Variants in CACNA2D3 observed in about 807,000 individuals in gnomAD.
CACNA2D3 encodes voltage-dependent calcium channel subunit alpha-2/delta-3.
A neutral mutation model predicts 160.6 loss-of-function variants in CACNA2D3; 60 were observed. The observed-to-expected ratio is 0.37, with a 90% CI of 0.30 to 0.46. The LOEUF (loss-of-function observed/expected upper bound fraction) is 0.46. Among genes scored for constraint, CACNA2D3 ranks in the 20% least tolerant of loss-of-function variants. The pLI, the probability that CACNA2D3 is intolerant of heterozygous loss-of-function variation, is 1.00. For synonymous variants in CACNA2D3, 558 were observed against 492.9 expected (o/e 1.13, Z -1.75); for missense variants, 1,205 against 1,365.0 (o/e 0.88, Z 1.85).
intron 5 of CACNA2D3, among the ~76,000 whole-genome samples, chr3:54,545,572 C>A (rs1702048190): frequency 6.6e-6 from 1 of 152,158 alleles, no homozygotes; most frequent in Non-Finnish European, 1.5e-5. Context: ...CTGTGTCTTG[C>A]ATTAAACTTT....
intron 5 of CACNA2D3, among the ~76,000 whole-genome samples, chr3:54,509,855 T>C (rs901111604): frequency 1.3e-5 from 2 of 152,250 alleles, no homozygotes; most frequent in African/African-American, 4.8e-5. Context: ...GTTGAGTGGC[T>C]GAGTTCAAGT....
intron 24 of CACNA2D3, among the ~76,000 whole-genome samples, 175 bp from the exon 25 acceptor site, chr3:54,891,180 C>CGTGTGTGTGTGTGTGT (rs3836392): frequency 1.3e-4 from 19 of 141,994 alleles, no homozygotes; most frequent in African/African-American, 3.4e-4. Flanking sequence ...AATCTGTGCT[C>CGTGTGTGTGTGTGTGT]GTGTGTGTGT....
At chr3:55,035,578 G>T (rs760912942) in intron 35 of CACNA2D3, among the ~76,000 whole-genome samples, 1 of 152,148 alleles carries the variant, frequency 6.6e-6, no homozygotes, top group Non-Finnish European at 1.5e-5. Context: ...TCTCTCAAAT[G>T]AATTATGCTA....
At chr3:54,802,902 G>A (rs940666677) in intron 13 of CACNA2D3, among the ~76,000 whole-genome samples, 1 of 152,158 alleles carries the variant, frequency 6.6e-6, no homozygotes. Context: ...CGCGATTCAC[G>A]AAAGTCCGCT....
chr3:54,242,488 G>GAACAATTATAACAATAT (rs1345996875), intron 2 of CACNA2D3, among the ~76,000 whole-genome samples: 1 of 151,930 alleles, frequency 6.6e-6, no homozygotes, highest in African/African-American at 2.4e-5. Context: ...GAATAAAATA[G>GAACAATTATAACAATAT]AACAATTATA....
At chr3:54,445,136 G>A (rs1197345734) in intron 4 of CACNA2D3, among the ~76,000 whole-genome samples, 1 of 152,176 alleles carries the variant, frequency 6.6e-6, no homozygotes, top group Non-Finnish European at 1.5e-5. Context: ...TATGAGCCTC[G>A]GCTCAGGGAT....
intron 17 of CACNA2D3, among the ~76,000 whole-genome samples, chr3:54,851,086 G>A (rs980424521): frequency 5.9e-5 from 9 of 152,146 alleles, no homozygotes; most frequent in Admixed American, 2.0e-4. Flanking sequence ...GAGAAGATGC[G>A]CTTTTTATTT....
chr3:54,829,974 A>G (rs1478999486), intron 14 of CACNA2D3, among the ~76,000 whole-genome samples: 1 of 128,706 alleles, frequency 7.8e-6, no homozygotes, highest in Non-Finnish European at 1.5e-5. Context: ...AGGTCACTGC[A>G]ACCTCTGCCT....
chr3:54,438,952 C>T (rs745547094), intron 4 of CACNA2D3, among the ~76,000 whole-genome samples: 1 of 152,174 alleles, frequency 6.6e-6, no homozygotes, highest in Non-Finnish European at 1.5e-5. Flanking sequence ...TTTTGTACCT[C>T]CTATAACTCT....
chr3:54,316,598 A>G (rs1472826907), intron 2 of CACNA2D3, among the ~76,000 whole-genome samples: 1 of 152,204 alleles, frequency 6.6e-6, no homozygotes. Flanking sequence ...GAATGGAACC[A>G]TTAAACTGCT....
intron 4 of CACNA2D3, among the ~76,000 whole-genome samples, chr3:54,459,044 T>C (rs1455039222): frequency 6.6e-6 from 1 of 152,130 alleles, no homozygotes; most frequent in African/African-American, 2.4e-5. Context: ...GTCCTTGCGA[T>C]AGTTTACTGA....
At chr3:54,668,260 C>T (rs1389629149) in intron 11 of CACNA2D3, among the ~76,000 whole-genome samples, 1 of 152,118 alleles carries the variant, frequency 6.6e-6, no homozygotes, top group Non-Finnish European at 1.5e-5. Flanking sequence ...TCTCTTTTCT[C>T]CACCCTGAGT....
intron 2 of CACNA2D3, among the ~76,000 whole-genome samples, chr3:54,277,487 A>G (rs1468610850): frequency 6.6e-6 from 1 of 152,092 alleles, no homozygotes; most frequent in East Asian, 1.9e-4. Context: ...ATTGGTCTAT[A>G]TATCTGTTTT....
intron 4 of CACNA2D3, among the ~76,000 whole-genome samples, chr3:54,449,177 A>T (rs534987072): frequency 3.3e-5 from 5 of 152,184 alleles, no homozygotes; most frequent in Middle Eastern, 3.4e-3. Flanking sequence ...TACTAATCAC[A>T]CTCCATTAAT....
intron 3 of CACNA2D3, among the ~76,000 whole-genome samples, chr3:54,377,878 C>A (rs1202321386): frequency 6.6e-6 from 1 of 152,186 alleles, no homozygotes; most frequent in Admixed American, 6.5e-5. Context: ...AAAAGTGATA[C>A]AACCAGGAAT....
chr3:54,191,011 G>T (rs548296662), intron 2 of CACNA2D3, among the ~76,000 whole-genome samples: 12 of 150,066 alleles, frequency 8.0e-5, no homozygotes, highest in African/African-American at 2.5e-4. Context: ...CATCATATAT[G>T]GTGTTGAATT....
intron 32 of CACNA2D3, among the ~76,000 whole-genome samples, 154 bp downstream of exon 32, chr3:55,004,992 C>A (rs1215797922): frequency 6.6e-6 from 1 of 151,220 alleles, no homozygotes; most frequent in Non-Finnish European, 1.5e-5. Context: ...AAAAACACTT[C>A]AGGCCGGGCG....
At chr3:54,527,289 C>G (rs149127776) in intron 5 of CACNA2D3, among the ~76,000 whole-genome samples, 6 of 152,210 alleles carry the variant, frequency 3.9e-5, no homozygotes, top group Non-Finnish European at 8.8e-5. Context: ...CTTATCTACA[C>G]TCAATTGCAA....
At chr3:54,347,100 T>C (rs1698473173) in intron 3 of CACNA2D3, among the ~76,000 whole-genome samples, 1 of 152,152 alleles carries the variant, frequency 6.6e-6, no homozygotes, top group South Asian at 2.1e-4. Context: ...CACATTGCAA[T>C]GTTGATGGAG....
Sources: allele counts gnomAD v4.1 joint callset (sites outside exome capture counted in the v4.1 genomes callset), GRCh38; gene constraint gnomAD v4.1.1; transcripts MANE v1.5; gene names NCBI Gene and HGNC (gene_info 2026-07-23, HGNC 2026-07-21).